Variants in NLRP1 observed in about 807,000 individuals in gnomAD.
NLRP1 encodes NACHT, LRR and PYD domains-containing protein 1.
Under a neutral mutation model 136.7 loss-of-function variants are expected in NLRP1, and 94 were observed. That is an observed-to-expected ratio of 0.69 (90% CI 0.58 to 0.82). The LOEUF (loss-of-function observed/expected upper bound fraction) is 0.82, where lower values mean the gene tolerates loss of function less well. Among genes scored for constraint, NLRP1 ranks in the 40% least tolerant of loss-of-function variants. The pLI is 0.00. For missense variants in NLRP1, 1,575 were observed against 1,802.7 expected, an observed-to-expected ratio of 0.87 and a Z score of 2.29; for synonymous variants, 690 against 725.1, an observed-to-expected ratio of 0.95 and a Z score of 0.78.
At chr17:5,544,046 T>C (rs995200338) in intron 5 of NLRP1, among the ~76,000 whole-genome samples, 1 of 152,096 alleles carries the variant, frequency 6.6e-6, no homozygotes, top group African/African-American at 2.4e-5. Flanking sequence ...AAATTTGTGT[T>C]TTGTAGGTGA....
In NLRP1 at chr17:5,564,746, TTTTTTTTTTTA is replaced by T. The variant is rs1039647332; in HGVS notation, c.653-4714_653-4704del. Among the ~76,000 whole-genome samples the T allele has an allele frequency of 5.1e-4, 74 of 146,404 alleles. No homozygotes were observed. In the South Asian group the frequency reaches 0.015, roughly 30 times the overall value. On this transcript the variant is annotated intron_variant, in intron 3 of 16. Transcript: ENST00000572272. ...CTCAATTTTTAGTGTTTTTTTTTTT[TTTTTTTTTTTA>T]GACAGAGTCTTGCTCTGTTGCCCAG...
At chr17:5,572,000 A>G (rs1904413064) in intron 3 of NLRP1, among the ~76,000 whole-genome samples, 1 of 152,218 alleles carries the variant, frequency 6.6e-6, no homozygotes. Flanking sequence ...CAATGGGGAA[A>G]GCATTCCCTA....
chr17:5,524,305 A>G (rs1415785552), intron 12 of NLRP1, among the ~76,000 whole-genome samples: 1 of 152,174 alleles, frequency 6.6e-6, no homozygotes, highest in Non-Finnish European at 1.5e-5. Context: ...GTGACAGTTT[A>G]ACTTGCTGCA....
exon 16 of NLRP1, chr17:5,501,607 T>C (rs985825110): frequency 7.6e-6 from 4 of 528,706 alleles, no homozygotes; most frequent in African/African-American, 5.8e-5. Flanking sequence ...CATCTGTATG[T>C]GTACAACCTG....
At chr17:5,512,612 A>G (rs1490867261), downstream of NLRP1, 1 of 469,184 alleles carries the variant, frequency 2.1e-6, no homozygotes. Context: ...GACCCGAAAG[A>G]CAAGGCCAGT....
At chr17:5,572,266 G>A (rs140641206) in intron 3 of NLRP1, among the ~76,000 whole-genome samples, 2,706 of 152,208 alleles carry the variant, frequency 0.018, 75 homozygotes, top group African/African-American at 0.062. Flanking sequence ...AATTAAACTA[G>A]AGAACTTCTG....
At chr17:5,505,312 C>G (rs1217458706) in intron 15 of NLRP1, 1 of 152,396 alleles carries the variant, frequency 6.6e-6, no homozygotes, top group East Asian at 1.9e-4. Context: ...CTGATCATCC[C>G]CGTGCTCCAC....
chr17:5,565,796 A>G (rs1484609250), intron 3 of NLRP1, among the ~76,000 whole-genome samples: 1 of 152,162 alleles, frequency 6.6e-6, no homozygotes, highest in African/African-American at 2.4e-5. Context: ...TCAGCAGTGA[A>G]GCCATCCAGT....
chr17:5,573,203 C>T (rs1050820084), intron 3 of NLRP1, among the ~76,000 whole-genome samples: 9 of 152,182 alleles, frequency 5.9e-5, no homozygotes, highest in East Asian at 1.9e-4. Context: ...CCTGTACCCA[C>T]GGAGCCTCAC....
intron 3 of NLRP1, among the ~76,000 whole-genome samples, chr17:5,567,781 G>C (rs1915488866): frequency 1.3e-5 from 2 of 151,974 alleles, no homozygotes; most frequent in Admixed American, 1.3e-4. Flanking sequence ...GCTTTTGTTT[G>C]GGAAAATCTT....
chr17:5,532,698 A>G, intron 11 of NLRP1, 124 bp downstream of exon 11: 2 of 728,204 alleles, frequency 2.7e-6, no homozygotes, highest in Non-Finnish European at 4.2e-6. Context: ...TCTTGGCAAG[A>G]GGAGGGGACC....
chr17:5,532,161 C>T (rs1204838973), intron 11 of NLRP1, among the ~76,000 whole-genome samples: 2 of 152,148 alleles, frequency 1.3e-5, no homozygotes, highest in African/African-American at 4.8e-5. Flanking sequence ...GCTGGAGAAT[C>T]GCTTGAACCT....
intron 13 of NLRP1, 81 bp from the exon 14 acceptor site, chr17:5,521,093 T>C (rs571501258): frequency 1.2e-5 from 17 of 1,394,996 alleles, no homozygotes; most frequent in African/African-American, 9.9e-5. Flanking sequence ...GGTGCATCTG[T>C]GTGTTTGTGT....
intron 3 of NLRP1, among the ~76,000 whole-genome samples, chr17:5,570,038 G>T (rs1402287641): frequency 2.0e-5 from 3 of 152,032 alleles, no homozygotes; most frequent in African/African-American, 7.2e-5. Context: ...TGAAATTAAG[G>T]CAGAAATAAA....
At position 5,532,805 on chromosome 17, in the gene NLRP1, A is replaced by G. The variant is rs199615819; in HGVS notation, c.3296+17T>C. On this transcript the variant is annotated intron_variant, in intron 11 of 16. Transcript: ENST00000572272. Reference sequence around the variant, plus strand: ...TGCGGGAGGCCAGCCTGGGACCAGCAGAGCCCCCTCACTCACCGGTACAAG... The same window carrying G: ...TGCGGGAGGCCAGCCTGGGACCAGCGGAGCCCCCTCACTCACCGGTACAAG... 12 of 1,578,818 alleles carry G rather than the reference A, an allele frequency of 7.6e-6. No homozygotes were observed. Among genetic ancestry groups the G allele is most frequent in the Non-Finnish European group, 1.0e-5 (12 of 1,164,490 alleles).
At chr17:5,510,488 T>C (rs958575099), downstream of NLRP1, among the ~76,000 whole-genome samples, 1 of 151,818 alleles carries the variant, frequency 6.6e-6, no homozygotes, top group Non-Finnish European at 1.5e-5. Flanking sequence ...GCCTCCCGAG[T>C]AGCTGGGGTT....
chr17:5,508,572 G>A (rs1030939896), intron 15 of NLRP1, among the ~76,000 whole-genome samples: 11 of 152,176 alleles, frequency 7.2e-5, no homozygotes, highest in East Asian at 1.9e-4. Flanking sequence ...GCAGAAAGAC[G>A]TGTATTGCAG....
At chr17:5,526,734 C>T (rs1042085031) in intron 12 of NLRP1, among the ~76,000 whole-genome samples, 5 of 152,150 alleles carry the variant, frequency 3.3e-5, no homozygotes, top group Admixed American at 1.3e-4. Flanking sequence ...GTTTGGTGGT[C>T]TTGACATTCT....
downstream of NLRP1, among the ~76,000 whole-genome samples, chr17:5,510,428 C>T (rs369900108): frequency 1.3e-5 from 2 of 151,746 alleles, no homozygotes; most frequent in African/African-American, 4.8e-5. Flanking sequence ...GGCGTGATCT[C>T]GGCTCACTGC....
Sources: allele counts gnomAD v4.1 joint callset (sites outside exome capture counted in the v4.1 genomes callset), GRCh38; gene constraint gnomAD v4.1.1; transcripts MANE v1.5; gene names NCBI Gene and HGNC (gene_info 2026-07-23, HGNC 2026-07-21).